Variants in ILRUN observed in about 807,000 individuals in gnomAD.
ILRUN encodes inflammation and lipid regulator with UBA-like and NBR1-like domains, also known as protein ILRUN.
Under a neutral mutation model 33.8 loss-of-function variants are expected in ILRUN, and 3 were observed. The ratio of observed to expected loss-of-function variants is 0.09; its 90% CI spans 0.04 to 0.23. The LOEUF (loss-of-function observed/expected upper bound fraction) is 0.23, where lower values mean the gene tolerates loss of function less well. ILRUN is among the 10% of genes least tolerant of loss of function. ILRUN has a pLI of 1.00. For missense variants in ILRUN, 210 were observed against 375.1 expected (o/e 0.56, Z 3.64); for synonymous variants, 124 against 138.9 (o/e 0.89, Z 0.75).
intron 1 of ILRUN, among the ~76,000 whole-genome samples, chr6:34,671,521 T>C (rs1763118051): frequency 6.6e-6 from 1 of 152,248 alleles, no homozygotes; most frequent in Non-Finnish European, 1.5e-5. Context: ...ATAATATATG[T>C]GGCAATAACA....
At chr6:34,683,504 A>ATATG (rs1562033298) in intron 1 of ILRUN, among the ~76,000 whole-genome samples, 19 of 99,248 alleles carry the variant, frequency 1.9e-4, no homozygotes, top group Admixed American at 7.1e-4. Flanking sequence ...ATATACATAT[A>ATATG]TATATATATA....
At chr6:34,669,003 C>G (rs1352509993) in intron 1 of ILRUN, among the ~76,000 whole-genome samples, 1 of 152,038 alleles carries the variant, frequency 6.6e-6, no homozygotes, top group Non-Finnish European at 1.5e-5. Context: ...GCCACCACAC[C>G]TGGCTAATTT....
chr6:34,660,036 A>G (rs1762855762), intron 1 of ILRUN, among the ~76,000 whole-genome samples: 1 of 151,992 alleles, frequency 6.6e-6, no homozygotes, highest in African/African-American at 2.4e-5. Flanking sequence ...GTGGTGGCTC[A>G]TGCCTATAAT....
intron 3 of ILRUN, chr6:34,616,540 G>A: frequency 8.4e-7 from 1 of 1,189,412 alleles, no homozygotes; most frequent in African/African-American, 1.5e-5. Flanking sequence ...CTGGAACCAT[G>A]GAGGGTGTCG....
rs181350369 is a variant in ILRUN at position 34,664,530 on chromosome 6, C to T, written c.159-9751G>A. 2.2e-4 allele frequency among the ~76,000 whole-genome samples: 33 copies of T among 152,280 alleles called. No individual in the cohort carries two copies. In the East Asian group the frequency reaches 6.4e-3, roughly 29 times the overall value. On this transcript the variant is annotated intron_variant, in intron 1 of 4. Transcript: ENST00000374023. ...TTCATAATAACTCTGCTTCCAAGAA[C>T]TCAATTTGCCATCAAAGATACATAT...
intron 2 of ILRUN, among the ~76,000 whole-genome samples, chr6:34,648,711 C>T (rs1028745295): frequency 2.0e-5 from 3 of 152,064 alleles, no homozygotes; most frequent in African/African-American, 7.2e-5. Context: ...AGACCAAAAT[C>T]GAAAAGAAAA....
At chr6:34,676,495 A>G (rs893770806) in intron 1 of ILRUN, among the ~76,000 whole-genome samples, 9 of 138,060 alleles carry the variant, frequency 6.5e-5, no homozygotes, top group Admixed American at 1.4e-4. Context: ...TAGATATGCA[A>G]AGATAGAGAG....
intron 1 of ILRUN, among the ~76,000 whole-genome samples, chr6:34,691,225 C>T (rs1163901101): frequency 2.0e-5 from 3 of 152,118 alleles, no homozygotes; most frequent in Admixed American, 1.3e-4. Context: ...TCCGGTTTTA[C>T]AATTCCAAGT....
chr6:34,590,749 G>T, intron 4 of ILRUN, 149 bp from the exon 5 acceptor site: 1 of 626,960 alleles, frequency 1.6e-6, no homozygotes. Context: ...ACAAAACCTC[G>T]GCAGGCCAAA....
intron 4 of ILRUN, among the ~76,000 whole-genome samples, chr6:34,600,489 T>G (rs144542786): frequency 0.011 from 1,666 of 152,222 alleles, 29 homozygotes; most frequent in Non-Finnish European, 0.012. Flanking sequence ...CAAAGGGAGA[T>G]TTTTAATTTG....
chr6:34,621,818 G>C (rs927111051), intron 3 of ILRUN, among the ~76,000 whole-genome samples: 1 of 151,840 alleles, frequency 6.6e-6, no homozygotes, highest in South Asian at 2.1e-4. Flanking sequence ...AGCCAAGATC[G>C]TGCCACTGCA....
At chr6:34,616,538 A>G in intron 3 of ILRUN, 2 of 1,183,456 alleles carry the variant, frequency 1.7e-6, no homozygotes, top group South Asian at 1.2e-5. Flanking sequence ...GGCTGGAACC[A>G]TGGAGGGTGT....
intron 1 of ILRUN, among the ~76,000 whole-genome samples, chr6:34,663,512 TAAAA>T (rs1203987680): frequency 6.6e-6 from 1 of 151,768 alleles, no homozygotes; most frequent in East Asian, 1.9e-4. Context: ...ATTTTAAACT[TAAAA>T]AAAAGAGAGA....
At chr6:34,634,112 T>TA (rs2127350727) in intron 3 of ILRUN, among the ~76,000 whole-genome samples, 1 of 152,090 alleles carries the variant, frequency 6.6e-6, no homozygotes, top group African/African-American at 2.4e-5. Context: ...AAATAAAAAT[T>TA]AAAAATGTAT....
intron 3 of ILRUN, among the ~76,000 whole-genome samples, chr6:34,616,311 T>C (rs1368464355): frequency 1.3e-5 from 2 of 152,214 alleles, no homozygotes; most frequent in Non-Finnish European, 2.9e-5. Flanking sequence ...TCAACCCATC[T>C]TCAAAGCAGA....
intron 1 of ILRUN, among the ~76,000 whole-genome samples, chr6:34,658,490 C>CTTTTT (rs71538252): frequency 1.5e-5 from 2 of 130,886 alleles, no homozygotes; most frequent in Non-Finnish European, 3.3e-5. Flanking sequence ...TTTTCTTTTT[C>CTTTTT]TTTTTTTTTT....
At position 34,602,475 on chromosome 6, in the gene ILRUN, C is replaced by G. The variant is rs559378975; in HGVS notation, c.861+4080G>C. Among the ~76,000 whole-genome samples the G allele has an allele frequency of 8.9e-4, 135 of 152,306 alleles. 2 individuals carry two copies. Among genetic ancestry groups the G allele is most frequent in the Middle Eastern group, 6.8e-3 (2 of 294 alleles). On this transcript the variant is annotated intron_variant, in intron 4 of 4. Coordinates refer to ENST00000374023, the MANE Select transcript of ILRUN (RefSeq NM_024294.4). ...TTTCATCAGTTTCGCACTGTCCAAA[C>G]AGAAGCTACTCTGGCCCCCCAGAGA...
At chr6:34,601,984 G>A (rs948558541) in intron 4 of ILRUN, among the ~76,000 whole-genome samples, 1 of 152,090 alleles carries the variant, frequency 6.6e-6, no homozygotes, top group African/African-American at 2.4e-5. Flanking sequence ...CTGGAGGAGC[G>A]GGATGAACCT....
intron 4 of ILRUN, among the ~76,000 whole-genome samples, chr6:34,601,112 C>G (rs1582033481): frequency 6.6e-6 from 1 of 152,162 alleles, no homozygotes; most frequent in South Asian, 2.1e-4. Context: ...AAACTGGAGG[C>G]TGGGAAGCAG....
Sources: gnomAD v4.1 joint callset for allele counts (sites outside exome capture counted in the v4.1 genomes callset) on GRCh38, gnomAD v4.1.1 for gene constraint, MANE v1.5 for transcripts, NCBI Gene and HGNC (gene_info 2026-07-23, HGNC 2026-07-21) for gene names.